The following GNB4 variants were observed in gnomAD, a reference collection of about 807,000 sequenced individuals.
GNB4 encodes the protein G protein subunit beta 4, also known as guanine nucleotide-binding protein subunit beta-4.
A neutral mutation model predicts 45.2 loss-of-function variants in GNB4; 28 were observed. The observed-to-expected ratio is 0.62, with a 90% CI of 0.46 to 0.85. GNB4 has a LOEUF of 0.85. Among genes scored for constraint, GNB4 ranks in the 40% least tolerant of loss-of-function variants. The pLI is 0.00. For missense variants in GNB4, 321 were observed against 425.4 expected (o/e 0.75, Z 2.16); for synonymous variants, 132 against 143.7 (o/e 0.92, Z 0.58).
At chr3:179,415,746 A>G in intron 5 of GNB4, among the ~76,000 whole-genome samples, 1 of 152,034 alleles carries the variant, frequency 6.6e-6, no homozygotes, top group Admixed American at 6.6e-5. Flanking sequence ...CTTAAAATAC[A>G]TTTTTTTTGT....
the GNB4 span, chr3:179,464,390 G>C: frequency 8.6e-7 from 1 of 1,168,060 alleles, no homozygotes; most frequent in African/African-American, 1.5e-5. Flanking sequence ...CCTGGCTGCT[G>C]CAGCCCGTGC....
intron 2 of GNB4, among the ~76,000 whole-genome samples, chr3:179,421,179 C>A (rs370468749): frequency 3.9e-5 from 6 of 152,050 alleles, no homozygotes; most frequent in Non-Finnish European, 8.8e-5. Flanking sequence ...TTTACATCAC[C>A]CCAAAAAAGA....
chr3:179,499,325 T>C, the GNB4 span, among the ~76,000 whole-genome samples: 1 of 151,830 alleles, frequency 6.6e-6, no homozygotes, highest in Non-Finnish European at 1.5e-5. Context: ...GCCAGGCTAG[T>C]TCTTTTTGTA....
the GNB4 span, among the ~76,000 whole-genome samples, chr3:179,484,794 A>T: frequency 4.6e-5 from 7 of 151,826 alleles, no homozygotes; most frequent in Non-Finnish European, 8.8e-5. Flanking sequence ...AATGTTAATC[A>T]ATCAACTATA....
chr3:179,520,327 G>A, the GNB4 span, among the ~76,000 whole-genome samples: 1 of 152,046 alleles, frequency 6.6e-6, no homozygotes, highest in East Asian at 1.9e-4. Context: ...TCTCCCTGCT[G>A]ATCATGTCCA....
the GNB4 span, among the ~76,000 whole-genome samples, chr3:179,526,633 A>G: frequency 1.3e-5 from 2 of 151,924 alleles, no homozygotes; most frequent in African/African-American, 2.4e-5. Flanking sequence ...TTCTCTCTCT[A>G]ACTCAACACT....
chr3:179,517,179 G>A, the GNB4 span, among the ~76,000 whole-genome samples: 5 of 152,166 alleles, frequency 3.3e-5, no homozygotes, highest in South Asian at 1.0e-3. Flanking sequence ...CAAAAGAAGT[G>A]AAAATGGCCT....
intron 4 of GNB4, among the ~76,000 whole-genome samples, chr3:179,417,884 G>C (rs1391400727): frequency 6.6e-6 from 1 of 152,092 alleles, no homozygotes; most frequent in East Asian, 1.9e-4. Flanking sequence ...ATCTGATAGT[G>C]GGGTATAGGA....
rs187417117 is a variant in GNB4 at position 179,436,214 on chromosome 3, C to T, written c.-42-9972G>A. On this transcript the variant is annotated intron_variant, in intron 1 of 9. Transcript: ENST00000232564. ...GGGAGTTCGAGACCAGCCTGACCAA[C>T]ATGGAGAAACCCTGTCTCTACTAAA... 4.4e-3 allele frequency among the ~76,000 whole-genome samples: 673 copies of T among 152,250 alleles called. 3 individuals are homozygous for T. Among genetic ancestry groups the T allele is most frequent in the South Asian group, 0.017 (84 of 4,822 alleles).
chr3:179,520,024 C>T, the GNB4 span, among the ~76,000 whole-genome samples: 18 of 152,226 alleles, frequency 1.2e-4, 2 homozygotes, highest in South Asian at 2.1e-4. Context: ...TTGTTTTTTG[C>T]CTATCCACCC....
At chr3:179,513,544 T>C in the GNB4 span, among the ~76,000 whole-genome samples, 1 of 152,158 alleles carries the variant, frequency 6.6e-6, no homozygotes, top group Non-Finnish European at 1.5e-5. Flanking sequence ...GTTTAAATGG[T>C]CAAATAATTC....
intron 6 of GNB4, among the ~76,000 whole-genome samples, 168 bp downstream of exon 6, chr3:179,414,717 G>A (rs963305264): frequency 3.4e-5 from 5 of 146,160 alleles, no homozygotes; most frequent in East Asian, 4.4e-4. Context: ...TATGATCAAC[G>A]TTTGTATGAC....
At chr3:179,482,816 T>C in the GNB4 span, among the ~76,000 whole-genome samples, 1 of 151,968 alleles carries the variant, frequency 6.6e-6, no homozygotes, top group Non-Finnish European at 1.5e-5. Context: ...GGTGGAAAAG[T>C]CTTAATTTTT....
chr3:179,409,658 A>C (rs193079737), intron 8 of GNB4, among the ~76,000 whole-genome samples: 1 of 151,784 alleles, frequency 6.6e-6, no homozygotes, highest in Non-Finnish European at 1.5e-5. Context: ...AAAAATTCAA[A>C]AATTAGCTGG....
chr3:179,403,317 G>A (rs1383476547), intron 9 of GNB4, among the ~76,000 whole-genome samples: 1 of 151,246 alleles, frequency 6.6e-6, no homozygotes, highest in Non-Finnish European at 1.5e-5. Context: ...AAAAAAACTT[G>A]GAAACACAAA....
chr3:179,459,290 C>T, the GNB4 span, among the ~76,000 whole-genome samples: 1 of 152,248 alleles, frequency 6.6e-6, no homozygotes, highest in African/African-American at 2.4e-5. Context: ...CTGCGACTCT[C>T]CTATATTCAA....
chr3:179,512,219 G>A, the GNB4 span, among the ~76,000 whole-genome samples: 1 of 152,166 alleles, frequency 6.6e-6, no homozygotes, highest in African/African-American at 2.4e-5. Flanking sequence ...TCAGGTTGCT[G>A]TACAGGTTGG....
At chr3:179,416,591 A>C in intron 4 of GNB4, 35 bp from the exon 5 acceptor site, 1 of 1,380,230 alleles carries the variant, frequency 7.2e-7, no homozygotes, top group South Asian at 1.3e-5. Context: ...TTTGACACTT[A>C]GAGGGAAAAA....
At chr3:179,510,614 T>A in the GNB4 span, among the ~76,000 whole-genome samples, 8 of 151,842 alleles carry the variant, frequency 5.3e-5, no homozygotes, top group Admixed American at 5.2e-4. Flanking sequence ...TTTTTTTTTT[T>A]ACATTTCTCA....
Sources: gnomAD v4.1 joint callset for allele counts (sites outside exome capture counted in the v4.1 genomes callset) on GRCh38, gnomAD v4.1.1 for gene constraint, MANE v1.5 for transcripts, NCBI Gene and HGNC (gene_info 2026-07-23, HGNC 2026-07-21) for gene names.